KCNIP4: variants seen among roughly 807,000 people sequenced by gnomAD.
The protein encoded by KCNIP4 is potassium voltage-gated channel interacting protein 4, also known as Kv channel-interacting protein 4.
In KCNIP4, 12 loss-of-function variants were observed where a neutral mutation model predicts 34.0. That is an observed-to-expected ratio of 0.35 (90% CI 0.23 to 0.57). The LOEUF is 0.57. Ranked by LOEUF, KCNIP4 falls within the 20% of genes least tolerant of loss-of-function variation. The pLI, the probability that KCNIP4 is intolerant of heterozygous loss-of-function variation, is 0.83. For missense variants in KCNIP4, 238 were observed against 311.7 expected (o/e 0.76, Z 1.78); for synonymous variants, 124 against 102.2 (o/e 1.21, Z -1.29).
At chr4:21,137,394 G>C (rs1167897709) in intron 1 of KCNIP4, among the ~76,000 whole-genome samples, 1 of 151,910 alleles carries the variant, frequency 6.6e-6, no homozygotes, top group Non-Finnish European at 1.5e-5. Context: ...GGGAAGGCAG[G>C]GTAAATTCTT....
chr4:21,770,657 G>C (rs892603613), intron 1 of KCNIP4, among the ~76,000 whole-genome samples: 1 of 152,150 alleles, frequency 6.6e-6, no homozygotes, highest in Admixed American at 6.5e-5. Context: ...ACTGGCATGA[G>C]ATGGTATCGC....
intron 1 of KCNIP4, among the ~76,000 whole-genome samples, chr4:21,101,074 T>C (rs966917692): frequency 5.3e-5 from 8 of 152,172 alleles, no homozygotes; most frequent in African/African-American, 1.7e-4. Flanking sequence ...ACAGTGAACA[T>C]TGTGCCTAAT....
intron 1 of KCNIP4, among the ~76,000 whole-genome samples, chr4:21,684,433 A>G (rs1320921260): frequency 6.6e-6 from 1 of 152,176 alleles, no homozygotes; most frequent in Non-Finnish European, 1.5e-5. Context: ...AAATAATAAA[A>G]TGTATTAAAT....
At chr4:21,842,396 C>A (rs1428882266) in intron 1 of KCNIP4, among the ~76,000 whole-genome samples, 2 of 151,966 alleles carry the variant, frequency 1.3e-5, no homozygotes, top group Non-Finnish European at 2.9e-5. Flanking sequence ...CATTTTTTCA[C>A]CTAATAGAGA....
At chr4:21,932,055 G>A (rs1248831115) in intron 1 of KCNIP4, among the ~76,000 whole-genome samples, 1 of 152,060 alleles carries the variant, frequency 6.6e-6, no homozygotes, top group African/African-American at 2.4e-5. Flanking sequence ...CACACTGCAT[G>A]GATTCAAGAA....
At chr4:21,453,334 G>A (rs1449469484) in intron 1 of KCNIP4, among the ~76,000 whole-genome samples, 2 of 152,010 alleles carry the variant, frequency 1.3e-5, no homozygotes, top group African/African-American at 2.4e-5. Context: ...AGAGGTAGAA[G>A]GTCTTGTACC....
At chr4:21,186,986 A>C (rs1755279628) in intron 1 of KCNIP4, among the ~76,000 whole-genome samples, 1 of 152,184 alleles carries the variant, frequency 6.6e-6, no homozygotes, top group Non-Finnish European at 1.5e-5. Flanking sequence ...TAGAAAAAAT[A>C]GTCACCAAAT....
chr4:20,989,147 G>T (rs1006650447), intron 1 of KCNIP4, among the ~76,000 whole-genome samples: 2 of 152,108 alleles, frequency 1.3e-5, no homozygotes, highest in African/African-American at 4.8e-5. Context: ...ACATGTATAT[G>T]TGCTCTGCAC....
intron 1 of KCNIP4, among the ~76,000 whole-genome samples, chr4:21,292,763 A>G (rs1158413747): frequency 6.6e-6 from 1 of 152,186 alleles, no homozygotes; most frequent in Non-Finnish European, 1.5e-5. Context: ...TTATGGATAC[A>G]CCAATATCTA....
In KCNIP4 at chr4:21,145,065, C is replaced by G. The variant is rs570890663; in HGVS notation, c.62-262356G>C. 2.0e-5 allele frequency among the ~76,000 whole-genome samples: 3 copies of G among 152,160 alleles called. No individual in the cohort carries two copies. In the South Asian group the frequency reaches 6.2e-4, roughly 32 times the overall value. Reference sequence around the variant, plus strand: ...CCACAAGAAATCAACAATCTTAGAACTTCTTATTTCTTTGTTTTGAGATCT... The same window carrying G: ...CCACAAGAAATCAACAATCTTAGAAGTTCTTATTTCTTTGTTTTGAGATCT... On this transcript the variant is annotated intron_variant, in intron 1 of 8. Coordinates refer to ENST00000382152, the MANE Select transcript of KCNIP4 (RefSeq NM_025221.6).
At chr4:21,767,012 T>G (rs4580637) in intron 1 of KCNIP4, among the ~76,000 whole-genome samples, 2 of 152,286 alleles carry the variant, frequency 1.3e-5, no homozygotes, top group Non-Finnish European at 2.9e-5. Context: ...TGTCAGGTAG[T>G]GATCATGGCA....
intron 1 of KCNIP4, among the ~76,000 whole-genome samples, chr4:21,562,163 G>A (rs2109034577): frequency 6.6e-6 from 1 of 151,660 alleles, no homozygotes; most frequent in Admixed American, 6.6e-5. Flanking sequence ...CACTCACCAT[G>A]AAAACAACTA....
At chr4:21,403,676 T>C (rs1410614400) in intron 1 of KCNIP4, among the ~76,000 whole-genome samples, 1 of 152,206 alleles carries the variant, frequency 6.6e-6, no homozygotes, top group Non-Finnish European at 1.5e-5. Context: ...GACTGCATAA[T>C]TTATAAATAA....
At position 21,740,225 on chromosome 4, in the gene KCNIP4, G is replaced by A. The variant is rs188584520; in HGVS notation, c.61+208346C>T. 2.9e-4 allele frequency among the ~76,000 whole-genome samples: 44 copies of A among 152,002 alleles called. No individual in the cohort carries two copies. In the East Asian group the frequency reaches 6.0e-3, roughly 21 times the overall value. On this transcript the variant is annotated intron_variant, in intron 1 of 8. Transcript: ENST00000382152. ...ACAAACATACACATATACAGTTATG[G>A]TTTTCAATACTTAAATATTTATATA... is the stretch of plus-strand genomic sequence containing the variant.
At chr4:20,866,563 CA>C (rs1722904411) in intron 2 of KCNIP4, among the ~76,000 whole-genome samples, 2 of 151,960 alleles carry the variant, frequency 1.3e-5, no homozygotes, top group African/African-American at 2.4e-5. Flanking sequence ...ACTAAATGGG[CA>C]AAAGCTCCAA....
intron 1 of KCNIP4, among the ~76,000 whole-genome samples, chr4:20,911,224 T>C (rs1207601622): frequency 6.6e-6 from 1 of 152,232 alleles, no homozygotes; most frequent in Non-Finnish European, 1.5e-5. Context: ...AGAAATGACC[T>C]TATTTTATAT....
chr4:21,922,149 A>T (rs920442459), intron 1 of KCNIP4, among the ~76,000 whole-genome samples: 6 of 152,206 alleles, frequency 3.9e-5, no homozygotes, highest in African/African-American at 1.4e-4. Flanking sequence ...AGTCACATAG[A>T]TGAATTTTAC....
intron 1 of KCNIP4, among the ~76,000 whole-genome samples, chr4:21,422,196 CTTT>C (rs35669431): frequency 4.7e-4 from 67 of 141,932 alleles, no homozygotes; most frequent in Non-Finnish European, 6.6e-4. Context: ...CTGCAGCCTA[CTTT>C]TTTTTTTTTT....
At chr4:21,547,744 G>C (rs1738254955) in intron 1 of KCNIP4, among the ~76,000 whole-genome samples, 1 of 151,732 alleles carries the variant, frequency 6.6e-6, no homozygotes, top group African/African-American at 2.4e-5. Flanking sequence ...GATTTTTTTT[G>C]GATTTTGGAA....
Sources: allele counts gnomAD v4.1 joint callset (sites outside exome capture counted in the v4.1 genomes callset), GRCh38; gene constraint gnomAD v4.1.1; transcripts MANE v1.5; gene names NCBI Gene and HGNC (gene_info 2026-07-23, HGNC 2026-07-21).